The following SRCAP variants were observed in gnomAD, a reference collection of about 807,000 sequenced individuals.
SRCAP encodes chromatin remodeling protein SRCAP.
Under a neutral mutation model 263.1 loss-of-function variants are expected in SRCAP, and 46 were observed. The observed-to-expected ratio is 0.17, with a 90% CI of 0.14 to 0.22. The LOEUF (loss-of-function observed/expected upper bound fraction) is 0.22. SRCAP is among the 10% of genes least tolerant of loss of function. The pLI is 1.00. For synonymous variants in SRCAP, 1,813 were observed against 1,662.1 expected (o/e 1.09, Z -2.21); for missense variants, 3,695 against 4,181.9 (o/e 0.88, Z 3.21).
Position 30,724,243 on chromosome 16 carries a change from G to C in SRCAP, c.4819G>C (p.Ala1607Pro), listed in dbSNP as rs143623830. ...GGCTCCTTCTCCAGCTCCTCCTCTG[G>C]CTCCTCTTCCGGTCCTGGCACCATC... ...ILAPSPAPPL[A>P]PLPVLAPSPG... Residue 1607 changes from alanine to proline, a missense_variant, in exon 25 of 34, where the codon GCT (alanine) becomes CCT (proline). Physicochemically the swap from Ala to Pro is conservative, Grantham distance 27 (BLOSUM62 -1). Around this residue, in one of 12 missense-constraint regions of SRCAP, gnomAD observed 1,347 missense variants for 1,304.4 expected, o/e 1.03. Coordinates refer to ENST00000262518, the MANE Select transcript of SRCAP (RefSeq NM_006662.3). The C allele has an allele frequency of 6.2e-7, 1 of 1,613,992 alleles. No homozygotes were observed. Among genetic ancestry groups the C allele is most frequent in the African/African-American group, 1.3e-5 (1 of 74,992 alleles).
chr16:30,726,742 C>T (rs2053068163), intron 25 of SRCAP, among the ~76,000 whole-genome samples: 1 of 152,042 alleles, frequency 6.6e-6, no homozygotes, highest in Non-Finnish European at 1.5e-5. Context: ...GCTCTGTTGC[C>T]CAGGCTGGAG....
At chr16:30,710,897 G>T in intron 9 of SRCAP, 50 bp downstream of exon 9, 1 of 1,605,958 alleles carries the variant, frequency 6.2e-7, no homozygotes, top group Non-Finnish European at 8.5e-7. Flanking sequence ...TGAATGAATT[G>T]TCTGGACCTA....
At position 30,740,557 on chromosome 16, in the gene SRCAP, C is replaced by T. The variant is rs1272335818; in HGVS notation, c.*824C>T. ...CTGGTTTGAGTCAGCCACACCCCTT[C>T]CCAGCTCCCTGGGCTCTTCACGTGG... On this transcript the variant is annotated 3_prime_UTR_variant, in exon 34 of 34. Transcript: ENST00000262518. The T allele has an allele frequency of 3.3e-5, 5 of 152,270 alleles. No homozygotes were observed. The highest frequency in any genetic ancestry group is 6.5e-5 in the Admixed American group (1 of 15,272). 9.4% of individuals were successfully genotyped at this position (152,270 alleles called of 1,614,324 possible).
intron 16 of SRCAP, among the ~76,000 whole-genome samples, chr16:30,715,710 C>T (rs1391214288): frequency 6.6e-6 from 1 of 152,080 alleles, no homozygotes; most frequent in Non-Finnish European, 1.5e-5. Context: ...ACAGATTTGC[C>T]TTTTGTTTTA....
At chr16:30,726,381 G>T (rs1226372196) in intron 25 of SRCAP, 1 of 152,212 alleles carries the variant, frequency 6.6e-6, no homozygotes, top group African/African-American at 2.4e-5. Context: ...GATACATACT[G>T]AGGAGAAGAA....
rs760072443 is a variant in SRCAP at position 30,724,867 on chromosome 16, T to A, written c.5443T>A (p.Ser1815Thr). 6.2e-7 allele frequency: 1 copy of A among 1,614,094 alleles called. No individual in the cohort carries two copies. The highest frequency in any genetic ancestry group is 1.1e-5 in the South Asian group (1 of 91,080). Residue 1815 changes from serine (S) to threonine (T), a missense_variant, in exon 25 of 34, where the codon TCC becomes ACC. Coordinates refer to ENST00000262518, the MANE Select transcript of SRCAP (RefSeq NM_006662.3). ...GGCGCTGGCCCCAGCCTCCACACAG[T>A]CCCCAGCTTCCCAGGCATCTTCCCT... ...TLALAPASTQ[S>T]PASQASSLVV...
chr16:30,710,512 A>G (rs746245140), intron 8 of SRCAP: 7 of 747,812 alleles, frequency 9.4e-6, no homozygotes, highest in Middle Eastern at 2.4e-4. Context: ...TGCATGGGGA[A>G]GTGTTGGGTG....
rs756598162 is a variant in SRCAP at position 30,734,386 on chromosome 16, G to A, written c.6610-110G>A. ...ACTGCTTTGGCCTTCACAGACGTGC[G>A]TCTTCAACCAGTGGTACCCCTGACA... On this transcript the variant is annotated intron_variant, in intron 30 of 33. Coordinates refer to ENST00000262518, the MANE Select transcript of SRCAP (RefSeq NM_006662.3). 1.1e-5 allele frequency: 17 copies of A among 1,493,412 alleles called. No individual in the cohort carries two copies. In the African/African-American group the frequency reaches 1.4e-4, roughly 12 times the overall value. 92.5% of individuals were successfully genotyped at this position (1,493,412 alleles called of 1,614,324 possible).
chr16:30,711,832 T>C lies in SRCAP; in HGVS notation c.1493-3T>C, dbSNP rs545160428. ...AGCAGTAAGCCTTGGTCTTACCCTTTAGACTCTGTGGAGGACCGGAGTGAG... is the reference window on the plus strand; with the variant it reads ...AGCAGTAAGCCTTGGTCTTACCCTTCAGACTCTGTGGAGGACCGGAGTGAG... On this transcript the variant is annotated splice_polypyrimidine_tract_variant and splice_region_variant and intron_variant, in intron 11 of 33. Transcript: ENST00000262518. 1 of 1,613,752 alleles carries C rather than the reference T, an allele frequency of 6.2e-7. No individual in the cohort carries two copies. The highest frequency in any genetic ancestry group is 1.3e-5 in the African/African-American group (1 of 74,986).
intron 25 of SRCAP, among the ~76,000 whole-genome samples, chr16:30,727,598 G>A (rs186623015): frequency 2.0e-5 from 3 of 152,216 alleles, no homozygotes; most frequent in Admixed American, 2.0e-4. Flanking sequence ...CTGTCACCAG[G>A]CTGCAGTGCA....
chr16:30,718,913 T>C (rs2052981160), intron 18 of SRCAP, among the ~76,000 whole-genome samples: 1 of 152,046 alleles, frequency 6.6e-6, no homozygotes, highest in Non-Finnish European at 1.5e-5. Flanking sequence ...TTTTTTTTTT[T>C]TGATACAGAG....
intron 16 of SRCAP, among the ~76,000 whole-genome samples, chr16:30,714,511 T>TTTTTTTTTTC (rs2052926310): frequency 7.6e-6 from 1 of 132,228 alleles, no homozygotes; most frequent in African/African-American, 2.8e-5. Flanking sequence ...GCCGGGCTTT[T>TTTTTTTTTTC]TTTTTTTTGA....
intron 32 of SRCAP, 42 bp downstream of exon 32, chr16:30,736,436 C>T: frequency 1.2e-6 from 2 of 1,605,264 alleles, no homozygotes; most frequent in Non-Finnish European, 1.7e-6. Flanking sequence ...ACTGCTTCCC[C>T]TGGGCTTGTG....
At chr16:30,701,016 C>T (rs2052759794) in intron 3 of SRCAP, 138 bp downstream of exon 3, 3 of 778,590 alleles carry the variant, frequency 3.9e-6, no homozygotes, top group Non-Finnish European at 2.2e-6. Context: ...TGTAGTATAT[C>T]AGGTCTGTTG....
In SRCAP at chr16:30,707,721, T is replaced by C. The variant is rs150267250; in HGVS notation, c.633+9T>C. The C allele has an allele frequency of 1.2e-4, 200 of 1,613,938 alleles. No homozygotes were observed. The African/African-American group carries it at 1.3e-3, about 10-fold the overall frequency. On this transcript the variant is annotated intron_variant, in intron 6 of 33. Coordinates refer to ENST00000262518, the MANE Select transcript of SRCAP (RefSeq NM_006662.3). ...GGAGCAATGTGGAGAAGGTAGACAG[T>C]GGGGATCAGGAAAGGAAAATGGCCT...
chr16:30,734,317 T>A, intron 30 of SRCAP, 179 bp from the exon 31 acceptor site: 1 of 896,582 alleles, frequency 1.1e-6, no homozygotes, highest in Non-Finnish European at 1.7e-6. Flanking sequence ...CACTTTAGCC[T>A]GGGTGACGAG....
At chr16:30,726,355 T>G (rs1380517626) in intron 25 of SRCAP, 1 of 152,210 alleles carries the variant, frequency 6.6e-6, no homozygotes, top group Non-Finnish European at 1.5e-5. Flanking sequence ...TGGACAGGTG[T>G]TCTCAGTTTC....
At chr16:30,732,368 T>C (rs1361272885) in intron 27 of SRCAP, among the ~76,000 whole-genome samples, 2 of 151,654 alleles carry the variant, frequency 1.3e-5, no homozygotes, top group Admixed American at 1.3e-4. Flanking sequence ...GGAAAATTGC[T>C]TGAATCCAGG....
chr16:30,723,686 C>G lies in SRCAP; in HGVS notation c.4262C>G (p.Ser1421Cys). 1 of 1,614,098 alleles carries G rather than the reference C, an allele frequency of 6.2e-7. No homozygotes were observed. Residue 1421 changes from serine (S) to cysteine (C), a missense_variant, in exon 25 of 34, where the codon TCT becomes TGT. Physicochemically the swap from Ser to Cys is moderately radical, Grantham distance 112 (BLOSUM62 -1). This residue lies in a region of SRCAP where 1,347 missense variants were observed against 1,304.4 expected (regional missense o/e 1.03). Transcript: ENST00000262518. Reference protein sequence around the residue: ...ASSPMPIPNSSPLASPVSSTV... With the variant: ...ASSPMPIPNSCPLASPVSSTV... ...TCTCCAATGCCAATTCCCAACTCCT[C>G]TCCCCTTGCTAGTCCTGTGTCCTCT...
Sources: gnomAD v4.1 joint callset for allele counts (sites outside exome capture counted in the v4.1 genomes callset) on GRCh38, gnomAD v4.1.1 for gene constraint, gnomAD v4.1.1 regional missense constraint, MANE v1.5 for transcripts, NCBI Gene and HGNC (gene_info 2026-07-23, HGNC 2026-07-21) for gene names.